The following RORB variants were observed in gnomAD, a reference collection of about 807,000 sequenced individuals.
RORB encodes the protein RAR related orphan receptor B, also known as nuclear receptor ROR-beta.
Under a neutral mutation model 59.1 loss-of-function variants are expected in RORB, and 6 were observed. The observed-to-expected ratio is 0.10, with a 90% CI of 0.06 to 0.20. RORB has a LOEUF of 0.20. Ranked by LOEUF, RORB falls within the 10% of genes least tolerant of loss-of-function variation. The pLI, the probability that RORB is intolerant of heterozygous loss-of-function variation, is 1.00. For synonymous variants in RORB, 215 were observed against 204.5 expected (o/e 1.05, Z -0.44); for missense variants, 320 against 560.5 (o/e 0.57, Z 4.33).
Position 74,662,625 on chromosome 9 carries a change from G to T in RORB, c.892+19G>T, listed in dbSNP as rs1280398612. ...AAGTCAGGTAAGCAAGAAGATTCATGGGAGGCCTATTTCAGATAAGGATGT... is the reference window on the plus strand; with the variant it reads ...AAGTCAGGTAAGCAAGAAGATTCATTGGAGGCCTATTTCAGATAAGGATGT... On this transcript the variant is annotated intron_variant, in intron 6 of 9. Coordinates refer to ENST00000376896, the MANE Select transcript of RORB (RefSeq NM_006914.4). The T allele has an allele frequency of 1.2e-6, 2 of 1,611,422 alleles. No individual in the cohort carries two copies.
intron 1 of RORB, among the ~76,000 whole-genome samples, chr9:74,535,260 AAAC>A (rs1326276005): frequency 6.6e-6 from 1 of 152,048 alleles, no homozygotes; most frequent in East Asian, 1.9e-4. Context: ...GGAGATGAAA[AAAC>A]AAATCTTTGC....
At chr9:74,556,371 A>T (rs1229364597) in intron 1 of RORB, among the ~76,000 whole-genome samples, 1 of 152,176 alleles carries the variant, frequency 6.6e-6, no homozygotes, top group African/African-American at 2.4e-5. Context: ...TGAGCCTTTC[A>T]AAAGGAACTC....
intron 1 of RORB, among the ~76,000 whole-genome samples, chr9:74,581,704 T>C (rs1019708809): frequency 6.6e-6 from 1 of 152,192 alleles, no homozygotes; most frequent in East Asian, 1.9e-4. Context: ...TCAGAGGTTC[T>C]GGTCTGCAAT....
chr9:74,635,956 C>CAA (rs11364568), intron 3 of RORB, among the ~76,000 whole-genome samples: 1,987 of 131,590 alleles, frequency 0.015, 70 homozygotes, highest in African/African-American at 0.052. Context: ...CAAATTTGAC[C>CAA]AAAAAAAAAA....
rs538839626 is a variant in RORB at position 74,674,839 on chromosome 9, T to C, written c.1224+2938T>C. ...TACATAGCGTATTTATAATAAACCA[T>C]CAAAGCCACTTGCTAGATGAGTGTC... On this transcript the variant is annotated intron_variant, in intron 9 of 9. Transcript: ENST00000376896. Among the ~76,000 whole-genome samples, 8 of 152,324 alleles carry C rather than the reference T, an allele frequency of 5.3e-5. No individual in the cohort carries two copies. In the East Asian group the frequency reaches 1.4e-3, roughly 26 times the overall value.
At chr9:74,553,699 C>G (rs975098382) in intron 1 of RORB, among the ~76,000 whole-genome samples, 3 of 152,150 alleles carry the variant, frequency 2.0e-5, no homozygotes, top group African/African-American at 7.2e-5. Flanking sequence ...GACCGTGTAC[C>G]TGTTTGAAAA....
chr9:74,540,867 A>G (rs1296789395), intron 1 of RORB, among the ~76,000 whole-genome samples: 1 of 152,156 alleles, frequency 6.6e-6, no homozygotes, highest in Admixed American at 6.5e-5. Context: ...TAAATACATC[A>G]ATTATTTTAT....
At chr9:74,618,452 G>A (rs1050108337) in intron 1 of RORB, among the ~76,000 whole-genome samples, 1 of 152,012 alleles carries the variant, frequency 6.6e-6, no homozygotes, top group African/African-American at 2.4e-5. Context: ...ATTTTACCAG[G>A]TTTCTTTTTT....
intron 4 of RORB, among the ~76,000 whole-genome samples, chr9:74,647,053 G>A (rs771612925): frequency 1.3e-5 from 2 of 152,078 alleles, no homozygotes; most frequent in African/African-American, 2.4e-5. Flanking sequence ...TAAAACCATA[G>A]GAAAAAGAAG....
chr9:74,566,020 A>C (rs1360910834), intron 1 of RORB, among the ~76,000 whole-genome samples: 2 of 152,172 alleles, frequency 1.3e-5, no homozygotes, highest in African/African-American at 4.8e-5. Flanking sequence ...TCAGGCACTG[A>C]TGAAGTATTA....
chr9:74,559,931 C>T (rs1822368273), intron 1 of RORB, among the ~76,000 whole-genome samples: 3 of 152,112 alleles, frequency 2.0e-5, no homozygotes. Flanking sequence ...TCTAAGAATT[C>T]CACATAAATG....
intron 4 of RORB, among the ~76,000 whole-genome samples, chr9:74,659,153 C>T (rs1192442090): frequency 1.3e-5 from 2 of 152,114 alleles, no homozygotes; most frequent in African/African-American, 4.8e-5. Context: ...TCCAACGTGC[C>T]AGGCAATGGT....
intron 1 of RORB, among the ~76,000 whole-genome samples, chr9:74,621,050 C>T (rs1823409394): frequency 6.6e-6 from 1 of 152,100 alleles, no homozygotes; most frequent in Admixed American, 6.5e-5. Flanking sequence ...TCACCAACCC[C>T]CCAGACACAA....
At chr9:74,665,456 A>AATTTAT in intron 6 of RORB, 32 bp from the exon 7 acceptor site, 3 of 1,356,174 alleles carry the variant, frequency 2.2e-6, no homozygotes, top group Non-Finnish European at 3.1e-6. Flanking sequence ...GTGTATTTTT[A>AATTTAT]TTTTATTTTT....
rs1185602895 is a variant in RORB, at chr9:74,692,134, A to G, written c.*6516A>G. On this transcript the variant is annotated 3_prime_UTR_variant, in exon 10 of 10. Transcript: ENST00000376896. ...GTCAGACCACTCATTTGCTGAAGCC[A>G]TAACTGACCTTCACCAAATAAATGT... The G allele has an allele frequency of 6.6e-6, 1 of 152,184 alleles. No homozygotes were observed. The highest frequency in any genetic ancestry group is 1.5e-5 in the Non-Finnish European group (1 of 68,022). 9.4% of individuals were successfully genotyped at this position (152,184 alleles called of 1,614,324 possible).
At chr9:74,646,490 T>A (rs1265628284) in intron 4 of RORB, among the ~76,000 whole-genome samples, 1 of 152,146 alleles carries the variant, frequency 6.6e-6, no homozygotes, top group Non-Finnish European at 1.5e-5. Context: ...AATTCCTAGG[T>A]TAAGGGCTCT....
At chr9:74,623,792 AC>A (rs1823463289) in intron 1 of RORB, among the ~76,000 whole-genome samples, 1 of 152,242 alleles carries the variant, frequency 6.6e-6, no homozygotes, top group Non-Finnish European at 1.5e-5. Context: ...AACCTGAATA[AC>A]GTCGGGTCCC....
chr9:74,595,077 C>A (rs1247867178), intron 1 of RORB, among the ~76,000 whole-genome samples: 1 of 152,168 alleles, frequency 6.6e-6, no homozygotes, highest in Non-Finnish European at 1.5e-5. Context: ...GACCCTTCAC[C>A]AGTTGAGTCA....
chr9:74,620,734 T>C (rs866101743), intron 1 of RORB, among the ~76,000 whole-genome samples: 11 of 152,224 alleles, frequency 7.2e-5, no homozygotes, highest in Admixed American at 6.5e-5. Flanking sequence ...CTAGAGATTC[T>C]GGTATGTTGT....
Sources: gnomAD v4.1 joint callset for allele counts (sites outside exome capture counted in the v4.1 genomes callset) on GRCh38, gnomAD v4.1.1 for gene constraint, MANE v1.5 for transcripts, NCBI Gene and HGNC (gene_info 2026-07-23, HGNC 2026-07-21) for gene names.